The following RDH10 variants were observed in gnomAD, a reference collection of about 807,000 sequenced individuals.
The protein encoded by RDH10 is retinol dehydrogenase 10 (all-trans).
A neutral mutation model predicts 30.2 loss-of-function variants in RDH10; 12 were observed. The ratio of observed to expected loss-of-function variants is 0.40; its 90% CI spans 0.25 to 0.64. RDH10 has a LOEUF of 0.64. Ranked by LOEUF, RDH10 falls within the 30% of genes least tolerant of loss-of-function variation. The pLI, the probability that RDH10 is intolerant of heterozygous loss-of-function variation, is 0.43. For synonymous variants in RDH10, 189 were observed against 172.2 expected (o/e 1.10, Z -0.76); for missense variants, 268 against 445.2 (o/e 0.60, Z 3.58).
intron 2 of RDH10, among the ~76,000 whole-genome samples, chr8:73,317,836 C>T (rs1317179430): frequency 2.0e-5 from 3 of 152,018 alleles, no homozygotes; most frequent in East Asian, 3.9e-4. Context: ...AGAAGGATCA[C>T]TTGAGCCCAG....
intron 2 of RDH10, among the ~76,000 whole-genome samples, chr8:73,314,923 A>G (rs561991306): frequency 6.6e-6 from 1 of 152,312 alleles, no homozygotes; most frequent in South Asian, 2.1e-4. Flanking sequence ...TTTTAAACTG[A>G]ACATTGACTC....
Position 73,320,547 on chromosome 8 carries a change from T to G in RDH10, c.625-385T>G, listed in dbSNP as rs987233202. Among the ~76,000 whole-genome samples, 7 of 151,480 alleles carry G rather than the reference T, an allele frequency of 4.6e-5. 1 individual carries two copies. Among genetic ancestry groups the G allele is most frequent in the Admixed American group, 4.6e-4 (7 of 15,204 alleles). ...GTGCAGTGGTGTGATCTTGGCTCAC[T>G]GCAACCTCCACCTCCCAGGTTCAAG... On this transcript the variant is annotated intron_variant, in intron 3 of 5. Transcript: ENST00000240285.
At chr8:73,308,853 G>T (rs1201147424) in intron 2 of RDH10, among the ~76,000 whole-genome samples, 1 of 152,142 alleles carries the variant, frequency 6.6e-6, no homozygotes, top group South Asian at 2.1e-4. Flanking sequence ...TAGGAGAGTT[G>T]ATCTGAAGCC....
chr8:73,320,005 A>G (rs886092026), intron 3 of RDH10, among the ~76,000 whole-genome samples: 23 of 152,252 alleles, frequency 1.5e-4, no homozygotes, highest in Admixed American at 7.9e-4. Flanking sequence ...CACCTATATC[A>G]AGGGATTCCA....
chr8:73,305,359 G>A (rs1397889889), intron 2 of RDH10, among the ~76,000 whole-genome samples: 1 of 152,202 alleles, frequency 6.6e-6, no homozygotes, highest in Non-Finnish European at 1.5e-5. Flanking sequence ...TCACCTGAGA[G>A]TTAGATGAAT....
intron 1 of RDH10, chr8:73,296,946 T>G: frequency 2.2e-6 from 1 of 456,654 alleles, no homozygotes; most frequent in Non-Finnish European, 4.0e-6. Flanking sequence ...TGTATTGGGC[T>G]TGTCACAATT....
At chr8:73,321,311 G>A (rs1273643817) in intron 4 of RDH10, among the ~76,000 whole-genome samples, 1 of 152,162 alleles carries the variant, frequency 6.6e-6, no homozygotes, top group African/African-American at 2.4e-5. Context: ...ATAGGAAATG[G>A]CTTCTCTGTA....
intron 1 of RDH10, chr8:73,295,971 T>A: frequency 6.1e-6 from 2 of 330,484 alleles, no homozygotes; most frequent in Non-Finnish European, 9.2e-6. Context: ...CTGACTAGAC[T>A]GAAGAAGTGT....
chr8:73,306,214 T>A (rs946198683), intron 2 of RDH10, among the ~76,000 whole-genome samples: 1 of 152,368 alleles, frequency 6.6e-6, no homozygotes, highest in Non-Finnish European at 1.5e-5. Flanking sequence ...TTGACATACC[T>A]GGCTGGCCAG....
chr8:73,314,445 G>T (rs894725018), intron 2 of RDH10, among the ~76,000 whole-genome samples: 2 of 152,216 alleles, frequency 1.3e-5, no homozygotes, highest in Admixed American at 1.3e-4. Flanking sequence ...CATAAGGCAG[G>T]AGTTTGGAGT....
intron 2 of RDH10, among the ~76,000 whole-genome samples, chr8:73,310,536 CATG>C (rs1814546502): frequency 6.6e-6 from 1 of 152,206 alleles, no homozygotes; most frequent in Admixed American, 6.5e-5. Flanking sequence ...GTTTATGCGT[CATG>C]GAAGTAGTTA....
Position 73,322,930 on chromosome 8 carries a change from C to T in RDH10, c.920C>T (p.Ala307Val). The change falls in exon 6 of 6, where the codon GCA becomes GTA. Residue 307 changes from alanine to valine, a missense_variant. By Grantham distance (64) the Ala-to-Val change is moderately conservative. Around this residue, in one of 4 missense-constraint regions of RDH10, gnomAD observed 136 missense variants for 288.8 expected, o/e 0.47. Transcript: ENST00000240285. ...TTTTTCAGCATCCTACCATTTGAAG[C>T]AGTTGTGTGCATGTATCGGTTCCTA... is the stretch of plus-strand genomic sequence containing the variant. ...TFMKSILPFE[A>V]VVCMYRFLGA... 1 of 1,614,164 alleles carries T rather than the reference C, an allele frequency of 6.2e-7. No individual in the cohort carries two copies. Among genetic ancestry groups the T allele is most frequent in the Non-Finnish European group, 8.5e-7 (1 of 1,180,008 alleles).
At chr8:73,320,098 A>G (rs576762563) in intron 3 of RDH10, among the ~76,000 whole-genome samples, 18 of 152,378 alleles carry the variant, frequency 1.2e-4, no homozygotes, top group African/African-American at 3.8e-4. Flanking sequence ...ATTACAAGGC[A>G]TGATTATCAT....
intron 4 of RDH10, chr8:73,321,791 G>A (rs770598835): frequency 4.4e-6 from 2 of 456,254 alleles, no homozygotes; most frequent in South Asian, 3.1e-5. Context: ...AACCAAACCA[G>A]TTCCCTGTTG....
At chr8:73,295,850 G>A in intron 1 of RDH10, 5 of 1,252,904 alleles carry the variant, frequency 4.0e-6, no homozygotes, top group Non-Finnish European at 5.0e-6. Flanking sequence ...AGCCCTCCGG[G>A]GTAGGGAAGG....
rs1814723647 is a variant in RDH10 at position 73,319,185 on chromosome 8, C to T, written c.615C>T (p.Ala205=). The T allele has an allele frequency of 3.7e-6, 6 of 1,608,048 alleles. No homozygotes were observed. The highest frequency in any genetic ancestry group is 4.3e-6 in the Non-Finnish European group (5 of 1,174,732). ...GTTCCTTGGGATTGTTCAGTACTGC[C>T]GGAGTTGAGGTTTGTCAGATATATA... is the stretch of plus-strand genomic sequence containing the variant. ...VASSLGLFST[A]GVEDYCASKF... is the part of the protein sequence containing the mutation. The change falls in exon 3 of 6, where the codon GCC becomes GCT. Residue 205 remains alanine (A), a synonymous_variant. Transcript: ENST00000240285.
chr8:73,307,612 A>G (rs1007706628), intron 2 of RDH10, among the ~76,000 whole-genome samples: 2 of 152,186 alleles, frequency 1.3e-5, no homozygotes, highest in African/African-American at 4.8e-5. Context: ...AAACCCAGAG[A>G]GGTGAAGGGA....
chr8:73,320,475 GTTTTTTTTT>G (rs55892941), intron 3 of RDH10, among the ~76,000 whole-genome samples: 2 of 137,426 alleles, frequency 1.5e-5, no homozygotes, highest in African/African-American at 5.3e-5. Context: ...TTTTGTTTTT[GTTTTTTTTT>G]TTTTGAGACA....
intron 2 of RDH10, chr8:73,315,636 G>A (rs953735563): frequency 4.4e-6 from 2 of 454,308 alleles, no homozygotes; most frequent in Non-Finnish European, 8.9e-6. Context: ...CGTGAATACA[G>A]GGAAGTCATT....
Sources: gnomAD v4.1 joint callset for allele counts (sites outside exome capture counted in the v4.1 genomes callset) on GRCh38, gnomAD v4.1.1 for gene constraint, gnomAD v4.1.1 regional missense constraint, MANE v1.5 for transcripts, NCBI Gene and HGNC (gene_info 2026-07-23, HGNC 2026-07-21) for gene names.